RBM26: variants seen among roughly 807,000 people sequenced by gnomAD.
RBM26 encodes the protein RNA-binding protein 26.
Under a neutral mutation model 123.6 loss-of-function variants are expected in RBM26, and 30 were observed. That is an observed-to-expected ratio of 0.24 (90% CI 0.18 to 0.33). RBM26 has a LOEUF of 0.33. Ranked by LOEUF, RBM26 falls within the 10% of genes least tolerant of loss-of-function variation. The pLI, the probability that RBM26 is intolerant of heterozygous loss-of-function variation, is 1.00. For synonymous variants in RBM26, 400 were observed against 404.4 expected (o/e 0.99, Z 0.13); for missense variants, 947 against 1,203.6 (o/e 0.79, Z 3.15).
chr13:79,316,415 TA>T (rs5805023), downstream of RBM26, among the ~76,000 whole-genome samples: 149,791 of 151,812 alleles, frequency 0.99, 73,940 homozygotes, highest in Non-Finnish European at 1. Flanking sequence ...TGAACCCTTA[TA>T]AGCCAACAGT....
intron 2 of RBM26, among the ~76,000 whole-genome samples, chr13:79,378,159 T>C (rs893855683): frequency 3.7e-4 from 57 of 152,148 alleles, no homozygotes; most frequent in African/African-American, 1.2e-3. Context: ...TGTGGCAAGG[T>C]ACAAAAAGCT....
Position 79,319,625 on chromosome 13 carries a change from G to A in RBM26, c.*996C>T. On this transcript the variant is annotated 3_prime_UTR_variant, in exon 22 of 22. Transcript: ENST00000438737. ...AAGTTTTCTTTCATACATCCAAAAT[G>A]TAATGTGATGTTTTCTTATTCACCA... is the stretch of plus-strand genomic sequence containing the variant. 3 of 983,990 alleles carry A rather than the reference G, an allele frequency of 3.0e-6. No homozygotes were observed. Among genetic ancestry groups the A allele is most frequent in the Non-Finnish European group, 3.6e-6 (3 of 828,896 alleles). 61.0% of individuals were successfully genotyped at this position (983,990 alleles called of 1,614,324 possible).
chr13:79,403,619 T>C (rs564308397), intron 1 of RBM26, among the ~76,000 whole-genome samples: 1 of 152,320 alleles, frequency 6.6e-6, no homozygotes, highest in East Asian at 1.9e-4. Context: ...TATACACCCA[T>C]TATTTTCCCA....
At chr13:79,398,569 C>T (rs1014406522) in intron 1 of RBM26, among the ~76,000 whole-genome samples, 2 of 152,160 alleles carry the variant, frequency 1.3e-5, no homozygotes, top group African/African-American at 4.8e-5. Flanking sequence ...CTTCTACCAG[C>T]TATAAAATTC....
chr13:79,406,221 C>T lies in RBM26; in HGVS notation c.-447G>A, dbSNP rs1330315413. ...GGGTCTTCCCGGCTCCCAGCACCCC[C>T]AAGAAGATGGCTGCCGGTAAATCTC... On this transcript the variant is annotated 5_prime_UTR_variant, in exon 1 of 22. Coordinates refer to ENST00000438737, the MANE Select transcript of RBM26 (RefSeq NM_001366735.2). The T allele has an allele frequency of 6.5e-6, 1 of 153,442 alleles. No homozygotes were observed. Among genetic ancestry groups the T allele is most frequent in the South Asian group, 2.1e-4 (1 of 4,846 alleles). The allele number at this position is 153,442 out of a possible 1,614,324, so 9.5% of individuals were successfully genotyped here.
intron 1 of RBM26, among the ~76,000 whole-genome samples, chr13:79,384,174 G>A (rs1022196483): frequency 1.3e-5 from 2 of 151,256 alleles, no homozygotes; most frequent in African/African-American, 4.9e-5. Context: ...TCACATCAAT[G>A]ATTTTAAAGG....
intron 3 of RBM26, among the ~76,000 whole-genome samples, chr13:79,372,903 T>A (rs1167880330): frequency 3.6e-5 from 3 of 84,320 alleles, no homozygotes; most frequent in African/African-American, 1.5e-4. Context: ...AAATATATCT[T>A]ATATATTACA....
At chr13:79,339,397 TGA>T (rs2071000033) in intron 18 of RBM26, among the ~76,000 whole-genome samples, 2 of 152,246 alleles carry the variant, frequency 1.3e-5, no homozygotes, top group South Asian at 4.1e-4. Flanking sequence ...TGAAAATTGC[TGA>T]GAGAGTAGAG....
At chr13:79,372,887 T>A (rs2076100704) in intron 3 of RBM26, among the ~76,000 whole-genome samples, 1 of 81,476 alleles carries the variant, frequency 1.2e-5, no homozygotes, top group African/African-American at 4.8e-5. Context: ...TTTTATATGC[T>A]ATATAAAATA....
intron 1 of RBM26, among the ~76,000 whole-genome samples, chr13:79,397,247 G>A (rs1304380503): frequency 3.9e-5 from 6 of 152,108 alleles, no homozygotes; most frequent in African/African-American, 1.4e-4. Flanking sequence ...AAAATATTAA[G>A]CAAATTAAGA....
chr13:79,315,260 C>T (rs778925511), downstream of RBM26, among the ~76,000 whole-genome samples: 4 of 151,642 alleles, frequency 2.6e-5, no homozygotes, highest in South Asian at 2.1e-4. Context: ...ATTTTCATTG[C>T]GAAAACTACT....
At chr13:79,381,163 G>A (rs953407462) in intron 1 of RBM26, among the ~76,000 whole-genome samples, 1 of 151,936 alleles carries the variant, frequency 6.6e-6, no homozygotes, top group Admixed American at 6.6e-5. Context: ...TAAAGAAACT[G>A]AGGTTCAGAG....
At position 79,366,031 on chromosome 13, in the gene RBM26, A is replaced by C. The variant is rs147079087; in HGVS notation, c.1276+24T>G. 54 of 1,608,000 alleles carry C rather than the reference A, an allele frequency of 3.4e-5. No individual in the cohort carries two copies. In the African/African-American group the frequency reaches 5.7e-4, roughly 17 times the overall value. Reference sequence around the variant, plus strand: ...CATCTAAAACTGTGTTACATTACGAATATAAAAAGGGCCAAAACTGCACCT... The same window carrying C: ...CATCTAAAACTGTGTTACATTACGACTATAAAAAGGGCCAAAACTGCACCT... On this transcript the variant is annotated intron_variant, in intron 8 of 21. Transcript: ENST00000438737.
At chr13:79,403,884 A>AT (rs1201968292) in intron 1 of RBM26, among the ~76,000 whole-genome samples, 6 of 152,184 alleles carry the variant, frequency 3.9e-5, no homozygotes, top group Admixed American at 3.9e-4. Flanking sequence ...ATTTGCCTCC[A>AT]TTTTTTCATG....
At position 79,337,186 on chromosome 13, in the gene RBM26, A is replaced by G; in HGVS notation, c.2649T>C (p.His883=). Residue 883 remains histidine, a synonymous_variant, in exon 19 of 22, where the codon CAT becomes CAC. Transcript: ENST00000438737. The stretch of plus-strand genomic sequence containing the variant: ...CCCTGGGACGGTGATCCACCACAGC[A>G]TGACCAGGCACACCTCGCCCTCGCC... ...GRGRGRGVPG[H]AVVDHRPRAL... The G allele has an allele frequency of 6.2e-7, 1 of 1,614,158 alleles. No homozygotes were observed. The highest frequency in any genetic ancestry group is 8.5e-7 in the Non-Finnish European group (1 of 1,180,022).
chr13:79,328,415 ACTC>A (rs1208379638), intron 20 of RBM26, among the ~76,000 whole-genome samples: 2 of 151,644 alleles, frequency 1.3e-5, no homozygotes, highest in Non-Finnish European at 2.9e-5. Context: ...TTCCTATTTC[ACTC>A]CTTAGACCAA....
At chr13:79,389,880 C>T (rs1594668478) in intron 1 of RBM26, among the ~76,000 whole-genome samples, 2 of 152,090 alleles carry the variant, frequency 1.3e-5, no homozygotes, top group African/African-American at 4.8e-5. Flanking sequence ...AATACACTCA[C>T]ATAATGGAAT....
At position 79,366,029 on chromosome 13, in the gene RBM26, G is replaced by A. The variant is rs199679705; in HGVS notation, c.1276+26C>T. The stretch of plus-strand genomic sequence containing the variant: ...TTCATCTAAAACTGTGTTACATTAC[G>A]AATATAAAAAGGGCCAAAACTGCAC... On this transcript the variant is annotated intron_variant, in intron 8 of 21. Coordinates refer to ENST00000438737, the MANE Select transcript of RBM26 (RefSeq NM_001366735.2). The A allele has an allele frequency of 2.9e-5, 46 of 1,604,578 alleles. 1 individual carries two copies. Among genetic ancestry groups the A allele is most frequent in the Non-Finnish European group, 3.3e-5 (39 of 1,172,840 alleles).
chr13:79,397,235 C>CA (rs1393755923), intron 1 of RBM26, among the ~76,000 whole-genome samples: 2 of 151,900 alleles, frequency 1.3e-5, no homozygotes, highest in African/African-American at 2.4e-5. Flanking sequence ...CCTTTTATGA[C>CA]AAAAATATTA....
Sources: gnomAD v4.1 joint callset for allele counts (sites outside exome capture counted in the v4.1 genomes callset) on GRCh38, gnomAD v4.1.1 for gene constraint, MANE v1.5 for transcripts, NCBI Gene and HGNC (gene_info 2026-07-23, HGNC 2026-07-21) for gene names.